Variants in SH3RF3 observed in about 807,000 individuals in gnomAD.
The protein encoded by SH3RF3 is SH3 domain containing ring finger 3, also known as E3 ubiquitin-protein ligase SH3RF3.
A neutral mutation model predicts 66.3 loss-of-function variants in SH3RF3; 29 were observed. The ratio of observed to expected loss-of-function variants is 0.44; its 90% CI spans 0.33 to 0.60. The LOEUF (loss-of-function observed/expected upper bound fraction) is 0.60, where lower values mean the gene tolerates loss of function less well. SH3RF3 is among the 20% of genes least tolerant of loss of function. SH3RF3 has a pLI of 0.04. For missense variants in SH3RF3, 1,194 were observed against 1,190.9 expected (o/e 1.00, Z -0.04); for synonymous variants, 583 against 532.0 (o/e 1.10, Z -1.32).
chr2:109,149,070 C>G (rs1677170153), intron 1 of SH3RF3, among the ~76,000 whole-genome samples: 1 of 152,150 alleles, frequency 6.6e-6, no homozygotes, highest in Admixed American at 6.5e-5. Flanking sequence ...TCAGAGGCTT[C>G]AATTGAGTGC....
intron 1 of SH3RF3, among the ~76,000 whole-genome samples, chr2:109,284,688 A>T (rs1372522384): frequency 1.3e-5 from 2 of 151,826 alleles, no homozygotes; most frequent in Non-Finnish European, 2.9e-5. Flanking sequence ...TTTTTTTGAG[A>T]CCCTTCCCAG....
chr2:109,403,609 C>T (rs886249734), intron 4 of SH3RF3, among the ~76,000 whole-genome samples: 18 of 152,218 alleles, frequency 1.2e-4, no homozygotes, highest in South Asian at 4.1e-4. Flanking sequence ...CAGGTCCCTG[C>T]GGTGCTCCAT....
chr2:109,405,506 C>T (rs969792354), intron 4 of SH3RF3, among the ~76,000 whole-genome samples: 7 of 152,124 alleles, frequency 4.6e-5, no homozygotes, highest in Admixed American at 1.3e-4. Context: ...GCGCACCACG[C>T]TGCTCTGGCC....
At chr2:109,245,143 G>C (rs1638644012) in intron 1 of SH3RF3, among the ~76,000 whole-genome samples, 1 of 152,178 alleles carries the variant, frequency 6.6e-6, no homozygotes, top group Non-Finnish European at 1.5e-5. Flanking sequence ...CTCACGGGAA[G>C]CTCCCCTGCT....
chr2:109,209,043 C>T (rs778283884), intron 1 of SH3RF3, among the ~76,000 whole-genome samples: 1 of 152,206 alleles, frequency 6.6e-6, no homozygotes, highest in Non-Finnish European at 1.5e-5. Context: ...GGCCCCAGCA[C>T]CTGTAGACCC....
chr2:109,501,653 C>A lies in SH3RF3; in HGVS notation c.2631C>A (p.Ser877Arg), dbSNP rs765053111. The change falls in exon 10 of 10, where the codon AGC becomes AGA. Residue 877 changes from serine (S) to arginine (R), a missense_variant. Coordinates refer to ENST00000309415, the MANE Select transcript of SH3RF3 (RefSeq NM_001099289.3). ...RNGRTGLFPGSFVESF is the reference protein window; with the variant it reads ...RNGRTGLFPGRFVESF ...GCCGCACAGGCCTCTTCCCGGGCAG[C>A]TTCGTCGAGAGCTTCTGAGAACTGG... The A allele has an allele frequency of 2.6e-6, 2 of 771,334 alleles. No homozygotes were observed. Among genetic ancestry groups the A allele is most frequent in the African/African-American group, 1.7e-5 (1 of 58,990 alleles). 47.8% of individuals were successfully genotyped at this position (771,334 alleles called of 1,614,324 possible). A position where few individuals can be genotyped will look rare whatever the true frequency, so the allele number is the denominator to read the frequency against.
At chr2:109,211,321 C>A (rs1678968947) in intron 1 of SH3RF3, among the ~76,000 whole-genome samples, 1 of 152,184 alleles carries the variant, frequency 6.6e-6, no homozygotes, top group African/African-American at 2.4e-5. Flanking sequence ...TGTTTAACAT[C>A]TTTATTAATA....
intron 1 of SH3RF3, among the ~76,000 whole-genome samples, chr2:109,209,800 G>T (rs1678925870): frequency 6.6e-6 from 1 of 152,122 alleles, no homozygotes; most frequent in Admixed American, 6.5e-5. Flanking sequence ...TGACAAATTG[G>T]ACACTCCAGT....
At chr2:109,173,301 T>C (rs1677831523) in intron 1 of SH3RF3, among the ~76,000 whole-genome samples, 1 of 152,160 alleles carries the variant, frequency 6.6e-6, no homozygotes, top group African/African-American at 2.4e-5. Context: ...AGCCTGCACT[T>C]GCGTTTTCTC....
chr2:109,334,734 C>G (rs916648653), intron 1 of SH3RF3, among the ~76,000 whole-genome samples: 1 of 152,198 alleles, frequency 6.6e-6, no homozygotes, highest in African/African-American at 2.4e-5. Context: ...CTCATGAGAA[C>G]AGGAGGCGAT....
intron 2 of SH3RF3, among the ~76,000 whole-genome samples, chr2:109,370,444 T>C (rs1013133163): frequency 6.6e-6 from 1 of 152,080 alleles, no homozygotes; most frequent in African/African-American, 2.4e-5. Context: ...TTCACCATAT[T>C]GGTCAGGCTG....
At chr2:109,500,122 G>A (rs1272178146) in intron 9 of SH3RF3, among the ~76,000 whole-genome samples, 1 of 152,168 alleles carries the variant, frequency 6.6e-6, no homozygotes. Context: ...TCTTTTGGCT[G>A]CCGTGAGGTT....
intron 1 of SH3RF3, among the ~76,000 whole-genome samples, chr2:109,223,459 C>T (rs1053584656): frequency 2.3e-4 from 35 of 152,344 alleles, no homozygotes; most frequent in African/African-American, 7.9e-4. Flanking sequence ...CATTGTCCCC[C>T]TTTGGGAGTG....
chr2:109,407,598 G>A (rs145615912), intron 4 of SH3RF3, among the ~76,000 whole-genome samples: 551 of 152,276 alleles, frequency 3.6e-3, no homozygotes, highest in Non-Finnish European at 6.1e-3. Context: ...TGCAAACTCC[G>A]GCTCCAGCTC....
At chr2:109,471,356 C>T (rs981310398) in intron 8 of SH3RF3, among the ~76,000 whole-genome samples, 7 of 152,080 alleles carry the variant, frequency 4.6e-5, no homozygotes, top group Non-Finnish European at 8.8e-5. Context: ...CAAGCACCTT[C>T]TTCACAAGGC....
chr2:109,258,962 G>A (rs1018503274), intron 1 of SH3RF3, among the ~76,000 whole-genome samples: 1 of 152,184 alleles, frequency 6.6e-6, no homozygotes, highest in Non-Finnish European at 1.5e-5. Flanking sequence ...TTCTGCCCAC[G>A]GGGCATCCGC....
intron 7 of SH3RF3, among the ~76,000 whole-genome samples, chr2:109,443,220 T>C (rs1464527794): frequency 1.3e-5 from 2 of 152,228 alleles, no homozygotes; most frequent in African/African-American, 2.4e-5. Context: ...AAAGAGAAAA[T>C]GAGGTTCAGA....
At chr2:109,493,009 C>T (rs2104389096) in intron 9 of SH3RF3, among the ~76,000 whole-genome samples, 1 of 152,210 alleles carries the variant, frequency 6.6e-6, no homozygotes, top group African/African-American at 2.4e-5. Flanking sequence ...TGCAAACATA[C>T]ACTCACCACA....
At chr2:109,443,755 A>G (rs1344086254) in intron 7 of SH3RF3, among the ~76,000 whole-genome samples, 3 of 152,246 alleles carry the variant, frequency 2.0e-5, no homozygotes, top group African/African-American at 4.8e-5. Flanking sequence ...CATAAGCAAT[A>G]TGGATAAAGG....
Sources: gnomAD v4.1 joint callset for allele counts (sites outside exome capture counted in the v4.1 genomes callset) on GRCh38, gnomAD v4.1.1 for gene constraint, MANE v1.5 for transcripts, NCBI Gene and HGNC (gene_info 2026-07-23, HGNC 2026-07-21) for gene names.